The following ENTPD1 variants were observed in gnomAD, a reference collection of about 807,000 sequenced individuals.
ENTPD1 encodes ectonucleoside triphosphate diphosphohydrolase 1.
In ENTPD1, 33 loss-of-function variants were observed where a neutral mutation model predicts 57.0. The observed-to-expected ratio is 0.58, with a 90% CI of 0.44 to 0.77. The LOEUF (loss-of-function observed/expected upper bound fraction) is 0.77, where lower values mean the gene tolerates loss of function less well. Among genes scored for constraint, ENTPD1 ranks in the 30% least tolerant of loss-of-function variants. ENTPD1 has a pLI of 0.00. For missense variants in ENTPD1, 501 were observed against 603.4 expected (o/e 0.83, Z 1.78); for synonymous variants, 202 against 218.8 (o/e 0.92, Z 0.68).
At chr10:95,810,216 G>A (rs1261449069) in intron 1 of ENTPD1, among the ~76,000 whole-genome samples, 1 of 148,882 alleles carries the variant, frequency 6.7e-6, no homozygotes, top group East Asian at 2.0e-4. Flanking sequence ...CCCAGACGGG[G>A]TGGTGGCCAG....
chr10:95,706,261 T>A, the ENTPD1 span, among the ~76,000 whole-genome samples: 3 of 152,226 alleles, frequency 2.0e-5, no homozygotes, highest in African/African-American at 7.2e-5. Context: ...GGTTGTCAAT[T>A]TTCTTCCTAG....
intron 1 of ENTPD1, among the ~76,000 whole-genome samples, chr10:95,803,887 T>G (rs965799230): frequency 6.6e-6 from 1 of 152,238 alleles, no homozygotes; most frequent in Admixed American, 6.5e-5. Context: ...GTATAAGGTG[T>G]AAGGAAGGGA....
At chr10:95,816,743 T>C (rs2098331231) in intron 1 of ENTPD1, among the ~76,000 whole-genome samples, 1 of 152,190 alleles carries the variant, frequency 6.6e-6, no homozygotes, top group South Asian at 2.1e-4. Context: ...GGCCTCCAGA[T>C]TTATGAAAGA....
intron 7 of ENTPD1, among the ~76,000 whole-genome samples, chr10:95,857,606 C>T (rs765684845): frequency 6.6e-6 from 1 of 152,200 alleles, no homozygotes; most frequent in Non-Finnish European, 1.5e-5. Context: ...CTTTTCCAGG[C>T]ATTAGCTATG....
chr10:95,773,175 A>G (rs1476040711), intron 1 of ENTPD1, among the ~76,000 whole-genome samples: 2 of 152,152 alleles, frequency 1.3e-5, no homozygotes, highest in African/African-American at 2.4e-5. Context: ...TGATCTATGC[A>G]TGAGGGATCT....
intron 1 of ENTPD1, among the ~76,000 whole-genome samples, chr10:95,799,880 T>G (rs1249085871): frequency 6.6e-6 from 1 of 152,162 alleles, no homozygotes; most frequent in Non-Finnish European, 1.5e-5. Flanking sequence ...CCTCTAATGA[T>G]CAGTGATGTT....
intron 1 of ENTPD1, among the ~76,000 whole-genome samples, chr10:95,738,780 AT>A: frequency 6.6e-6 from 1 of 152,266 alleles, no homozygotes; most frequent in South Asian, 2.1e-4. Context: ...AAGATTACCT[AT>A]TTATTAAGCA....
the ENTPD1 span, among the ~76,000 whole-genome samples, chr10:95,704,048 G>A: frequency 2.0e-5 from 3 of 152,132 alleles, no homozygotes; most frequent in East Asian, 3.9e-4. Context: ...CTGAGATCAC[G>A]CCACTGCACT....
In ENTPD1 at chr10:95,774,398, C is replaced by T. The variant is rs533822901; in HGVS notation, c.16+18143C>T. Among the ~76,000 whole-genome samples, 1,229 of 152,312 alleles carry T rather than the reference C, an allele frequency of 8.1e-3. 8 individuals are homozygous for T. Among genetic ancestry groups the T allele is most frequent in the Middle Eastern group, 0.031 (9 of 294 alleles). On this transcript the variant is annotated intron_variant, in intron 1 of 9. Coordinates refer to ENST00000371205, the MANE Select transcript of ENTPD1 (RefSeq NM_001776.6). ...GCTTTTGGTGTTTTAGTCATGAAGT[C>T]TTTGCCCATACCTATGTCCTGAATG...
chr10:95,772,495 T>G (rs768750056), intron 1 of ENTPD1, among the ~76,000 whole-genome samples: 1 of 152,252 alleles, frequency 6.6e-6, no homozygotes, highest in Non-Finnish European at 1.5e-5. Flanking sequence ...CCACTTTCTC[T>G]GTTCATCCAT....
chr10:95,767,879 G>A (rs899708520), intron 1 of ENTPD1, among the ~76,000 whole-genome samples: 3 of 152,158 alleles, frequency 2.0e-5, no homozygotes, highest in Non-Finnish European at 2.9e-5. Flanking sequence ...ACAATGTTGG[G>A]AGGCAAGACC....
chr10:95,752,411 T>C (rs997847048), upstream of ENTPD1, among the ~76,000 whole-genome samples: 3 of 152,180 alleles, frequency 2.0e-5, no homozygotes, highest in Admixed American at 2.0e-4. Context: ...TCCCAGCACT[T>C]TGGGAGGCCG....
In ENTPD1 at chr10:95,866,891, G is replaced by C. The variant is rs1025103451; in HGVS notation, c.*508G>C. On this transcript the variant is annotated 3_prime_UTR_variant, in exon 10 of 10. Coordinates refer to ENST00000371205, the MANE Select transcript of ENTPD1 (RefSeq NM_001776.6). ...ATTCCATTCCCAGCCTGCTCTGTGGGTAGGAGAATTTTCTACAGTAGGCAA... is the reference window on the plus strand; with the variant it reads ...ATTCCATTCCCAGCCTGCTCTGTGGCTAGGAGAATTTTCTACAGTAGGCAA... The C allele has an allele frequency of 1.2e-5, 12 of 1,019,314 alleles. No homozygotes were observed. In the African/African-American group the frequency reaches 2.1e-4, roughly 18 times the overall value. The allele number at this position is 1,019,314 out of a possible 1,614,324, so 63.1% of individuals were successfully genotyped here.
intron 1 of ENTPD1, among the ~76,000 whole-genome samples, chr10:95,810,561 G>A (rs541655871): frequency 6.6e-6 from 1 of 152,352 alleles, no homozygotes; most frequent in East Asian, 1.9e-4. Context: ...CCCAGACAGG[G>A]TTTAGTTGCC....
At chr10:95,722,148 G>C (rs927016718) in intron 1 of ENTPD1, among the ~76,000 whole-genome samples, 1 of 151,860 alleles carries the variant, frequency 6.6e-6, no homozygotes, top group African/African-American at 2.4e-5. Flanking sequence ...AAAACAGCTC[G>C]AACATTTCAG....
At chr10:95,778,216 G>C (rs571860479) in intron 1 of ENTPD1, among the ~76,000 whole-genome samples, 1 of 152,294 alleles carries the variant, frequency 6.6e-6, no homozygotes, top group South Asian at 2.1e-4. Context: ...AAAATCACCT[G>C]TCTTCTTTGT....
chr10:95,762,264 G>A (rs1381791901), intron 1 of ENTPD1, among the ~76,000 whole-genome samples: 1 of 146,764 alleles, frequency 6.8e-6, no homozygotes, highest in Non-Finnish European at 1.5e-5. Context: ...AGGATGTAAA[G>A]CATTGCTTTA....
chr10:95,766,913 T>C lies in ENTPD1; in HGVS notation c.16+10658T>C, dbSNP rs2098090754. On this transcript the variant is annotated intron_variant, in intron 1 of 9. Coordinates refer to ENST00000371205, the MANE Select transcript of ENTPD1 (RefSeq NM_001776.6). ...TTTTTTTTTTGAGGCAGGGTCTTGC[T>C]CTGTCACCTAGGCTGGAGTGCAGTA... Among the ~76,000 whole-genome samples the C allele has an allele frequency of 1.3e-5, 2 of 151,412 alleles. 1 individual carries two copies. The highest frequency in any genetic ancestry group is 2.9e-5 in the Non-Finnish European group (2 of 67,882).
intron 1 of ENTPD1, among the ~76,000 whole-genome samples, chr10:95,822,227 T>C (rs551642825): frequency 2.0e-5 from 3 of 152,142 alleles, no homozygotes; most frequent in African/African-American, 7.2e-5. Flanking sequence ...CTTGATCTGT[T>C]GACCTCGTGA....
Sources: gnomAD v4.1 joint callset for allele counts (sites outside exome capture counted in the v4.1 genomes callset) on GRCh38, gnomAD v4.1.1 for gene constraint, MANE v1.5 for transcripts, NCBI Gene and HGNC (gene_info 2026-07-23, HGNC 2026-07-21) for gene names.